The following PIP5K1A variants were observed in gnomAD, a reference collection of about 807,000 sequenced individuals.
PIP5K1A encodes the protein phosphatidylinositol-4-phosphate 5-kinase type 1 alpha, also known as phosphatidylinositol 4-phosphate 5-kinase type-1 alpha.
Under a neutral mutation model 72.9 loss-of-function variants are expected in PIP5K1A, and 46 were observed. The observed-to-expected ratio is 0.63, with a 90% CI of 0.50 to 0.81. The LOEUF is 0.81. Ranked by LOEUF, PIP5K1A falls within the 30% of genes least tolerant of loss-of-function variation. The pLI, the probability that PIP5K1A is intolerant of heterozygous loss-of-function variation, is 0.00. For synonymous variants in PIP5K1A, 228 were observed against 255.1 expected, an observed-to-expected ratio of 0.89 and a Z score of 1.01; for missense variants, 458 against 706.1, an observed-to-expected ratio of 0.65 and a Z score of 3.98.
At chr1:151,215,516 G>T (rs1027559989) in intron 1 of PIP5K1A, among the ~76,000 whole-genome samples, 33 of 152,062 alleles carry the variant, frequency 2.2e-4, no homozygotes, top group African/African-American at 8.0e-4. Flanking sequence ...TTTTAGTAGA[G>T]ACGGGTTTTC....
chr1:151,229,849 C>T (rs922947337), intron 4 of PIP5K1A, among the ~76,000 whole-genome samples: 5 of 151,382 alleles, frequency 3.3e-5, no homozygotes, highest in African/African-American at 9.7e-5. Context: ...TTTGGGAGGC[C>T]GAGGCAGGTG....
chr1:151,242,006 T>G (rs915272532), intron 12 of PIP5K1A, 117 bp from the exon 13 acceptor site: 7 of 971,144 alleles, frequency 7.2e-6, no homozygotes, highest in Non-Finnish European at 1.1e-5. Context: ...ATTAGCCTTT[T>G]CACTTTTCAG....
intron 1 of PIP5K1A, among the ~76,000 whole-genome samples, chr1:151,200,986 C>T (rs1312207786): frequency 3.9e-5 from 6 of 152,100 alleles, no homozygotes; most frequent in African/African-American, 1.4e-4. Flanking sequence ...CCCACCACCA[C>T]GCCTGGCTAA....
chr1:151,245,447 C>A (rs1242723276), intron 14 of PIP5K1A, among the ~76,000 whole-genome samples: 3 of 152,030 alleles, frequency 2.0e-5, no homozygotes, highest in African/African-American at 7.3e-5. Context: ...TCCTCCAAGC[C>A]ACCCCCAATG....
chr1:151,229,184 A>AC (rs1445267469), intron 4 of PIP5K1A, among the ~76,000 whole-genome samples: 8 of 149,262 alleles, frequency 5.4e-5, no homozygotes, highest in Admixed American at 3.4e-4. Flanking sequence ...AAAAAAAAAA[A>AC]AAAAAAAAAC....
upstream of PIP5K1A, among the ~76,000 whole-genome samples, chr1:151,197,280 GTTTGT>G (rs376612351): frequency 1.2e-3 from 187 of 151,194 alleles, 1 homozygote; most frequent in Non-Finnish European, 2.0e-3. Context: ...TTTTTTGTTT[GTTTGT>G]TTTGTTTTGT....
chr1:151,204,925 C>T (rs1305589930), intron 1 of PIP5K1A, among the ~76,000 whole-genome samples: 5 of 152,112 alleles, frequency 3.3e-5, no homozygotes, highest in African/African-American at 4.8e-5. Context: ...CAAAATAGTA[C>T]GTTTTGCTTA....
At chr1:151,216,960 T>G (rs1687745045) in intron 1 of PIP5K1A, among the ~76,000 whole-genome samples, 1 of 96,414 alleles carries the variant, frequency 1.0e-5, no homozygotes, top group African/African-American at 3.9e-5. Flanking sequence ...TCGCCCAGGC[T>G]AGAGTGCAGT....
chr1:151,231,586 TC>T (rs1690081052), intron 4 of PIP5K1A, 84 bp from the exon 5 acceptor site: 3 of 1,193,186 alleles, frequency 2.5e-6, no homozygotes, highest in Admixed American at 1.7e-5. Context: ...TTTAAAGTGT[TC>T]CTTCTAGCTT....
In PIP5K1A at chr1:151,205,665, G is replaced by A. The variant is rs114565407; in HGVS notation, c.85+6584G>A. 1.4e-3 allele frequency among the ~76,000 whole-genome samples: 206 copies of A among 152,138 alleles called. 2 individuals are homozygous for A. Among genetic ancestry groups the A allele is most frequent in the African/African-American group, 4.8e-3 (199 of 41,542 alleles). ...ATACAAAAATTAGTCAGACGTGGTG[G>A]CGTGCTCGTGTAATCCCAGCTGCTA... is the stretch of plus-strand genomic sequence containing the variant. On this transcript the variant is annotated intron_variant, in intron 1 of 15. Transcript: ENST00000368888.
rs1245276536 is a variant in PIP5K1A, at chr1:151,248,019, TGAA to T, written c.*161_*163del. 8.6e-6 allele frequency: 6 copies of T among 699,764 alleles called. No individual in the cohort carries two copies. The highest frequency in any genetic ancestry group is 2.7e-5 in the East Asian group (1 of 36,746). 43.3% of individuals were successfully genotyped at this position (699,764 alleles called of 1,614,324 possible). On this transcript the variant is annotated 3_prime_UTR_variant, in exon 16 of 16. Coordinates refer to ENST00000368888, the MANE Select transcript of PIP5K1A (RefSeq NM_001135638.2). ...GGGAGCTGCTCCTCCATCTTCTTCC[TGAA>T]GAAGAACCTTCTCTCCTTCCTCTTC... is the stretch of plus-strand genomic sequence containing the variant.
At chr1:151,219,643 G>A (rs936646249) in intron 1 of PIP5K1A, among the ~76,000 whole-genome samples, 3 of 151,886 alleles carry the variant, frequency 2.0e-5, no homozygotes, top group African/African-American at 7.3e-5. Context: ...GCGGTGATCC[G>A]AGATTGTACC....
In PIP5K1A at chr1:151,241,315, C is replaced by G. The variant is rs587768241; in HGVS notation, c.1364-808C>G. Reference sequence around the variant, plus strand: ...CGGAGATTGAGACCATCCTGGCTAACACGGTGAAACCCCGTCTCTACTAAA... The same window carrying G: ...CGGAGATTGAGACCATCCTGGCTAAGACGGTGAAACCCCGTCTCTACTAAA... On this transcript the variant is annotated intron_variant, in intron 12 of 15. Coordinates refer to ENST00000368888, the MANE Select transcript of PIP5K1A (RefSeq NM_001135638.2). Among the ~76,000 whole-genome samples, 7 of 152,144 alleles carry G rather than the reference C, an allele frequency of 4.6e-5. No individual in the cohort carries two copies. In the East Asian group the frequency reaches 1.4e-3, roughly 29 times the overall value.
chr1:151,216,197 A>G (rs1468792787), intron 1 of PIP5K1A, among the ~76,000 whole-genome samples: 1 of 152,000 alleles, frequency 6.6e-6, no homozygotes, highest in Non-Finnish European at 1.5e-5. Flanking sequence ...AAATACAAAA[A>G]AATTAGCTGG....
chr1:151,248,849 TCTC>T lies in PIP5K1A; in HGVS notation c.*987_*989del, dbSNP rs1692833911. 6.6e-6 allele frequency: 1 copy of T among 152,626 alleles called. No homozygotes were observed. Among genetic ancestry groups the T allele is most frequent in the African/African-American group, 2.4e-5 (1 of 41,442 alleles). 9.5% of individuals were successfully genotyped at this position (152,626 alleles called of 1,614,324 possible). A position where few individuals can be genotyped will look rare whatever the true frequency, so the allele number is the denominator to read the frequency against. ...CTCTTCTCATCTTTTCCAACAGTGT[TCTC>T]CTGTTTGTGGAGCTAAGGTAAAGAG... On this transcript the variant is annotated 3_prime_UTR_variant, in exon 16 of 16. Transcript: ENST00000368888.
intron 5 of PIP5K1A, 53 bp from the exon 6 acceptor site, chr1:151,232,195 T>C (rs200948388): frequency 4.3e-4 from 515 of 1,192,816 alleles, no homozygotes; most frequent in Non-Finnish European, 6.1e-4. Flanking sequence ...CAAGGTAGAT[T>C]CTCTGGATGA....
chr1:151,242,902 T>A (rs903921677), intron 14 of PIP5K1A, among the ~76,000 whole-genome samples: 1 of 152,206 alleles, frequency 6.6e-6, no homozygotes, highest in African/African-American at 2.4e-5. Context: ...CTTAGTTCCT[T>A]GCTGGCTGTT....
chr1:151,236,620 T>C lies in PIP5K1A; in HGVS notation c.1002T>C (p.His334=). The part of the protein sequence containing the change: ...SLLMSIHNID[H]AQREPLSSET... ...TGATGTCAATCCATAATATAGATCATGCACAACGAGAGCCCTTAAGCAGTG... is the reference window on the plus strand; with the variant it reads ...TGATGTCAATCCATAATATAGATCACGCACAACGAGAGCCCTTAAGCAGTG... Residue 334 remains histidine, a synonymous_variant, in exon 9 of 16, where the codon CAT becomes CAC. Transcript: ENST00000368888. 6 of 1,613,332 alleles carry C rather than the reference T, an allele frequency of 3.7e-6. No homozygotes were observed. The highest frequency in any genetic ancestry group is 5.1e-6 in the Non-Finnish European group (6 of 1,179,330).
Position 151,242,476 on chromosome 1 carries a change from C to G in PIP5K1A, c.1549C>G (p.Pro517Ala). The G allele has an allele frequency of 1.2e-6, 2 of 1,613,970 alleles. No individual in the cohort carries two copies. The highest frequency in any genetic ancestry group is 2.2e-5 in the East Asian group (1 of 44,894). Residue 517 changes from proline to alanine, a missense_variant, in exon 14 of 16, where the codon CCA becomes GCA. Physicochemically the swap from Pro to Ala is conservative, Grantham distance 27 (BLOSUM62 -1). This residue lies in a region of PIP5K1A where 157 missense variants were observed against 175.5 expected (regional missense o/e 0.89). Coordinates refer to ENST00000368888, the MANE Select transcript of PIP5K1A (RefSeq NM_001135638.2). ...TCGTCCTGATGTTTTACCTCAGACT[C>G]CACCTTTGGAGGAAATCAGTGAGGG... ...LGRPDVLPQT[P>A]PLEEISEGSP... is the part of the protein sequence containing the mutation.
Sources: gnomAD v4.1 joint callset for allele counts (sites outside exome capture counted in the v4.1 genomes callset) on GRCh38, gnomAD v4.1.1 for gene constraint, gnomAD v4.1.1 regional missense constraint, MANE v1.5 for transcripts, NCBI Gene and HGNC (gene_info 2026-07-23, HGNC 2026-07-21) for gene names.